Variants in BNIP2 observed in about 807,000 individuals in gnomAD.
BNIP2 encodes the protein BCL2/adenovirus E1B 19 kDa protein-interacting protein 2.
In BNIP2, 36 loss-of-function variants were observed where a neutral mutation model predicts 43.4. The observed-to-expected ratio is 0.83, with a 90% confidence interval of 0.64 to 1.10. BNIP2 has a LOEUF of 1.10. Ranked by LOEUF, BNIP2 falls within the 50% of genes least tolerant of loss-of-function variation. BNIP2 has a pLI of 0.00. For missense variants in BNIP2, 417 were observed against 374.1 expected (o/e 1.11, Z -0.95); for synonymous variants, 146 against 121.0 (o/e 1.21, Z -1.35).
chr15:59,672,773 C>A lies in BNIP2; in HGVS notation c.473-34G>T, dbSNP rs1156337432. On this transcript the variant is annotated intron_variant, in intron 5 of 9. Coordinates refer to ENST00000607373, the MANE Select transcript of BNIP2 (RefSeq NM_004330.4). Reference sequence around the variant, plus strand: ...GAAACCAAAGACAGTATCACCAGCACGATTTTACTCTTAGGCATTTTTAGA... The same window carrying A: ...GAAACCAAAGACAGTATCACCAGCAAGATTTTACTCTTAGGCATTTTTAGA... The A allele has an allele frequency of 2.6e-6, 4 of 1,524,900 alleles. No individual in the cohort carries two copies. In the East Asian group the frequency reaches 9.0e-5, roughly 34 times the overall value. 94.5% of individuals were successfully genotyped at this position (1,524,900 alleles called of 1,614,324 possible).
At chr15:59,676,444 C>G (rs1417951651) in intron 5 of BNIP2, among the ~76,000 whole-genome samples, 3 of 152,084 alleles carry the variant, frequency 2.0e-5, no homozygotes, top group African/African-American at 7.2e-5. Context: ...CTGCCTCAGC[C>G]TCCCAAATTG....
At chr15:59,667,810 C>G (rs1207798955) in intron 9 of BNIP2, among the ~76,000 whole-genome samples, 1 of 152,176 alleles carries the variant, frequency 6.6e-6, no homozygotes, top group African/African-American at 2.4e-5. Flanking sequence ...GTTCCAAATA[C>G]CATTTTTAGT....
intron 9 of BNIP2, among the ~76,000 whole-genome samples, chr15:59,666,990 T>G (rs1324961984): frequency 2.0e-5 from 3 of 152,230 alleles, no homozygotes; most frequent in African/African-American, 7.2e-5. Context: ...GGCAATTCAC[T>G]GTGAAATCTA....
At chr15:59,686,225 G>A (rs963732837) in intron 1 of BNIP2, among the ~76,000 whole-genome samples, 1 of 152,176 alleles carries the variant, frequency 6.6e-6, no homozygotes, top group African/African-American at 2.4e-5. Flanking sequence ...TCCCCAGGCA[G>A]TTTAGCAACA....
In BNIP2 at chr15:59,678,058, C is replaced by T; in HGVS notation, c.325G>A (p.Val109Ile). The T allele has an allele frequency of 1.2e-6, 2 of 1,609,850 alleles. No homozygotes were observed. The highest frequency in any genetic ancestry group is 1.7e-6 in the Non-Finnish European group (2 of 1,178,930). Residue 109 changes from valine to isoleucine, a missense_variant, in exon 5 of 10, where the codon GTA becomes ATA. Coordinates refer to ENST00000607373, the MANE Select transcript of BNIP2 (RefSeq NM_004330.4). ...DDLPKPKTTE[V>I]IRKGSITEYT... The stretch of plus-strand genomic sequence containing the variant: ...TCAGTAATTGAGCCTTTCCTAATTA[C>T]TTCAGTAGTCTTGGGTTTTGGAAGA...
At position 59,680,294 on chromosome 15, in the gene BNIP2, T is replaced by A. The variant is rs530535724; in HGVS notation, c.65A>T (p.Asp22Val). Residue 22 changes from aspartate to valine, a missense_variant, in exon 3 of 10, where the codon GAT becomes GTT. By Grantham distance (152) the Asp-to-Val change is radical. Coordinates refer to ENST00000607373, the MANE Select transcript of BNIP2 (RefSeq NM_004330.4). ...TAGTATATCTGCTTCAATACTATCA[T>A]CTTCTGGTAAAGGTCTAGAAGACAC... ...DEDFPIPLPE[D>V]DSIEADILAI... 1 of 1,602,316 alleles carries A rather than the reference T, an allele frequency of 6.2e-7. No individual in the cohort carries two copies. Among genetic ancestry groups the A allele is most frequent in the African/African-American group, 1.3e-5 (1 of 74,818 alleles).
chr15:59,679,199 G>C lies in BNIP2; in HGVS notation c.295+393C>G, dbSNP rs1448229118. ...GGGCTAAAAGTATACATTAATTTAA[G>C]TTGGTCATTTCACAAAGTAGAGCAA... On this transcript the variant is annotated intron_variant, in intron 4 of 9. Coordinates refer to ENST00000607373, the MANE Select transcript of BNIP2 (RefSeq NM_004330.4). The C allele has an allele frequency of 2.2e-5, 4 of 183,320 alleles. No homozygotes were observed. In the South Asian group the frequency reaches 2.9e-4, roughly 13 times the overall value. The allele number at this position is 183,320 out of a possible 1,614,324, so 11.4% of individuals were successfully genotyped here.
At chr15:59,677,083 G>A in intron 5 of BNIP2, 2 of 1,610,250 alleles carry the variant, frequency 1.2e-6, no homozygotes, top group Non-Finnish European at 1.7e-6. Context: ...GGCTAAGAAA[G>A]CACTACCTTC....
intron 1 of BNIP2, among the ~76,000 whole-genome samples, chr15:59,685,726 C>T (rs1239466822): frequency 1.3e-5 from 2 of 152,084 alleles, no homozygotes; most frequent in Non-Finnish European, 2.9e-5. Flanking sequence ...ATTTACTCTA[C>T]CATTTCATCA....
At chr15:59,684,696 T>C (rs1310370475) in intron 1 of BNIP2, among the ~76,000 whole-genome samples, 4 of 152,230 alleles carry the variant, frequency 2.6e-5, no homozygotes, top group Admixed American at 2.6e-4. Context: ...GAATGATGTA[T>C]TTTCCTAAAT....
At chr15:59,665,875 G>T (rs1892539773) in intron 9 of BNIP2, among the ~76,000 whole-genome samples, 1 of 152,032 alleles carries the variant, frequency 6.6e-6, no homozygotes, top group Non-Finnish European at 1.5e-5. Flanking sequence ...CCATTACTAT[G>T]CCCACCTGAA....
intron 1 of BNIP2, chr15:59,688,908 A>G: frequency 6.8e-7 from 1 of 1,468,280 alleles, no homozygotes. Context: ...TGGGGGGCCA[A>G]ACTGCCAAAT....
chr15:59,663,796 A>T lies in BNIP2; in HGVS notation c.*273T>A, dbSNP rs982459770. 1.5e-5 allele frequency: 4 copies of T among 273,400 alleles called. No individual in the cohort carries two copies. The highest frequency in any genetic ancestry group is 1.1e-3 in the Middle Eastern group (1 of 912). 16.9% of individuals were successfully genotyped at this position (273,400 alleles called of 1,614,324 possible). A position where few individuals can be genotyped will look rare whatever the true frequency, so the allele number is the denominator to read the frequency against. The stretch of plus-strand genomic sequence containing the variant: ...CATCATTCAATAAACAAATGCAAAA[A>T]CTACTTTATATAAAGTGTGGTTCTC... On this transcript the variant is annotated 3_prime_UTR_variant, in exon 10 of 10. Transcript: ENST00000607373.
In BNIP2 at chr15:59,663,959, A is replaced by G. The variant is rs1260363791; in HGVS notation, c.*110T>C. The G allele has an allele frequency of 8.1e-6, 7 of 862,908 alleles. No homozygotes were observed. Among genetic ancestry groups the G allele is most frequent in the Non-Finnish European group, 1.2e-5 (7 of 581,084 alleles). The allele number at this position is 862,908 out of a possible 1,614,324, so 53.5% of individuals were successfully genotyped here. On this transcript the variant is annotated 3_prime_UTR_variant, in exon 10 of 10. Coordinates refer to ENST00000607373, the MANE Select transcript of BNIP2 (RefSeq NM_004330.4). ...AGTCCATTATGAAAAAGTCAAGTCT[A>G]TTTTGTAACAGGTTACATAAAAATA...
chr15:59,684,102 G>A (rs1282268221), intron 1 of BNIP2, among the ~76,000 whole-genome samples: 2 of 152,186 alleles, frequency 1.3e-5, no homozygotes, highest in African/African-American at 4.8e-5. Flanking sequence ...ATCCTGAAGT[G>A]TTAGATTTCA....
chr15:59,687,735 A>G (rs147430296), intron 1 of BNIP2, among the ~76,000 whole-genome samples: 1 of 152,238 alleles, frequency 6.6e-6, no homozygotes, highest in East Asian at 1.9e-4. Flanking sequence ...TTCTACCAGC[A>G]TTACTCCAGA....
intron 5 of BNIP2, among the ~76,000 whole-genome samples, chr15:59,676,147 G>A (rs904307451): frequency 4.6e-5 from 7 of 152,070 alleles, no homozygotes; most frequent in African/African-American, 1.7e-4. Flanking sequence ...CCAGTTTTGG[G>A]TAGCCTAGAG....
In BNIP2 at chr15:59,682,475, T is replaced by C; in HGVS notation, c.-18A>G. The C allele has an allele frequency of 6.2e-7, 1 of 1,613,762 alleles. No homozygotes were observed. Among genetic ancestry groups the C allele is most frequent in the Non-Finnish European group, 8.5e-7 (1 of 1,179,806 alleles). On this transcript the variant is annotated 5_prime_UTR_variant, in exon 2 of 10. Transcript: ENST00000607373. The stretch of plus-strand genomic sequence containing the variant: ...CCTTCCATCCTCAGCCTGGATTCAA[T>C]GTCAACTACAAACTCTTGATAATCC...
chr15:59,670,865 G>A (rs1892855032), intron 7 of BNIP2, among the ~76,000 whole-genome samples: 1 of 152,140 alleles, frequency 6.6e-6, no homozygotes, highest in African/African-American at 2.4e-5. Flanking sequence ...CCTAAGGTCA[G>A]GAGTTCGAGA....
Sources: gnomAD v4.1 joint callset for allele counts (sites outside exome capture counted in the v4.1 genomes callset) on GRCh38, gnomAD v4.1.1 for gene constraint, MANE v1.5 for transcripts, NCBI Gene and HGNC (gene_info 2026-07-23, HGNC 2026-07-21) for gene names.